PCDHA11: variants seen among roughly 807,000 people sequenced by gnomAD.
The protein encoded by PCDHA11 is protocadherin alpha 11.
In PCDHA11, 61 loss-of-function variants were observed where a neutral mutation model predicts 70.3. The observed-to-expected ratio is 0.87, with a 90% CI of 0.71 to 1.07. The LOEUF (loss-of-function observed/expected upper bound fraction) is 1.07, where lower values mean the gene tolerates loss of function less well. Among genes scored for constraint, PCDHA11 ranks in the 50% least tolerant of loss-of-function variants. The pLI is 0.00. For missense variants in PCDHA11, 1,324 were observed against 1,237.5 expected (o/e 1.07, Z -1.05); for synonymous variants, 633 against 555.1 (o/e 1.14, Z -1.97).
chr5:140,967,218 C>T, intron 1 of PCDHA11: 3 of 1,613,744 alleles, frequency 1.9e-6, no homozygotes, highest in South Asian at 1.1e-5. Flanking sequence ...TTCCCGCGGC[C>T]CAACTACCAG....
intron 3 of PCDHA11, among the ~76,000 whole-genome samples, chr5:141,002,467 G>A (rs1266754067): frequency 6.6e-6 from 1 of 152,202 alleles, no homozygotes; most frequent in African/African-American, 2.4e-5. Context: ...TAACGCTTTA[G>A]CATTTTCAAA....
intron 1 of PCDHA11, chr5:140,882,520 G>C (rs2059167404): frequency 6.2e-7 from 1 of 1,614,218 alleles, no homozygotes; most frequent in Admixed American, 1.7e-5. Context: ...ATGGCATTTT[G>C]TTTGTGAATT....
chr5:140,869,906 A>G lies in PCDHA11; in HGVS notation c.803A>G (p.Asp268Gly). 6.2e-7 allele frequency: 1 copy of G among 1,610,936 alleles called. No homozygotes were observed. The highest frequency in any genetic ancestry group is 8.5e-7 in the Non-Finnish European group (1 of 1,178,340). Residue 268 changes from aspartate to glycine, a missense_variant, in exon 1 of 4, where the codon GAC becomes GGC. Physicochemically the swap from Asp to Gly is moderately conservative, Grantham distance 94. Transcript: ENST00000398640. ...CTTGTGCTCAAACTAAACGCCACAG[A>G]CCGAGACGAAGGAGTCAATGGAGAG... ...ETLVLKLNAT[D>G]RDEGVNGEVT...
intron 1 of PCDHA11, chr5:140,969,185 A>G (rs782632936): frequency 1.9e-6 from 3 of 1,613,974 alleles, no homozygotes; most frequent in South Asian, 1.1e-5. Context: ...TGACACTTTC[A>G]TGTTTTACAA....
At chr5:140,997,504 C>T (rs2097772452) in intron 3 of PCDHA11, among the ~76,000 whole-genome samples, 1 of 152,042 alleles carries the variant, frequency 6.6e-6, no homozygotes, top group South Asian at 2.1e-4. Flanking sequence ...TCTCAACATA[C>T]CTAAACGCAG....
At chr5:140,941,255 C>CTCTT (rs1554214207) in intron 1 of PCDHA11, among the ~76,000 whole-genome samples, 2 of 44,508 alleles carry the variant, frequency 4.5e-5, no homozygotes, top group African/African-American at 1.4e-4. Context: ...TTCTTTCTTT[C>CTCTT]TCTTTCTTTC....
intron 1 of PCDHA11, among the ~76,000 whole-genome samples, chr5:140,977,307 G>A (rs1023836424): frequency 6.6e-6 from 1 of 152,304 alleles, no homozygotes; most frequent in Non-Finnish European, 1.5e-5. Context: ...ACAAGCTAAC[G>A]ATAGTGCTCC....
At chr5:140,988,805 C>T (rs782160959) in intron 3 of PCDHA11, 8 of 152,232 alleles carry the variant, frequency 5.3e-5, no homozygotes, top group African/African-American at 1.4e-4. Context: ...GAATTTCTTC[C>T]GTAACAGTAG....
At chr5:140,882,606 C>A (rs782588313) in intron 1 of PCDHA11, 1 of 1,614,120 alleles carries the variant, frequency 6.2e-7, no homozygotes, top group African/African-American at 1.3e-5. Context: ...GTGGACAGGC[C>A]TCTGCAGGTT....
chr5:140,982,254 T>C (rs1275431812), intron 2 of PCDHA11: 9 of 774,802 alleles, frequency 1.2e-5, no homozygotes, highest in Non-Finnish European at 1.5e-5. Flanking sequence ...AGATAGAACA[T>C]GTGTGTTCCT....
chr5:140,974,994 A>C (rs901871984), intron 1 of PCDHA11, among the ~76,000 whole-genome samples: 8 of 152,126 alleles, frequency 5.3e-5, no homozygotes, highest in African/African-American at 1.9e-4. Flanking sequence ...AGGTATTCTC[A>C]AGGCTGAAAT....
intron 1 of PCDHA11, chr5:140,969,215 C>G (rs782320507): frequency 6.2e-7 from 1 of 1,614,128 alleles, no homozygotes; most frequent in South Asian, 1.1e-5. Flanking sequence ...CCAGACAGGA[C>G]CAGGGCCTTC....
intron 1 of PCDHA11, among the ~76,000 whole-genome samples, chr5:140,907,040 G>A (rs781947448): frequency 1.4e-4 from 21 of 152,290 alleles, no homozygotes; most frequent in Non-Finnish European, 2.4e-4. Context: ...ATGTCACAGG[G>A]ACAGTAAGCA....
rs782766953 is a variant in PCDHA11 at position 140,875,544 on chromosome 5, G to C, written c.2391+4050G>C. On this transcript the variant is annotated intron_variant, in intron 1 of 3. Coordinates refer to ENST00000398640, the MANE Select transcript of PCDHA11 (RefSeq NM_018902.5). ...TCTCGCTTCTGCTCCTTGCAGCCTG[G>C]GAGGTGGGGAGCGGCCAGCTCCACT... 9.0e-5 allele frequency: 146 copies of C among 1,614,052 alleles called. No homozygotes were observed. The East Asian group carries it at 3.2e-3, about 36-fold the overall frequency.
chr5:140,985,955 G>A (rs1284756138), intron 3 of PCDHA11, among the ~76,000 whole-genome samples: 1 of 151,674 alleles, frequency 6.6e-6, no homozygotes, highest in Non-Finnish European at 1.5e-5. Flanking sequence ...TAGCCAGGAT[G>A]GTCTCAATCT....
chr5:140,950,247 A>G (rs1483854749), intron 1 of PCDHA11, among the ~76,000 whole-genome samples: 1 of 152,004 alleles, frequency 6.6e-6, no homozygotes, highest in East Asian at 1.9e-4. Flanking sequence ...ATTTGTTCCT[A>G]AAGAGCTGAG....
In PCDHA11 at chr5:140,871,238, T is replaced by C. The variant is rs200192228; in HGVS notation, c.2135T>C (p.Leu712Pro). 68 of 1,613,968 alleles carry C rather than the reference T, an allele frequency of 4.2e-5. No homozygotes were observed. The Admixed American group carries it at 6.2e-4, about 15-fold the overall frequency. ...TGCGTGGTGTCCAGCCTCCTGGTACTCACGCTGCTGCTGTATACGGCGCTG... is the reference window on the plus strand; with the variant it reads ...TGCGTGGTGTCCAGCCTCCTGGTACCCACGCTGCTGCTGTATACGGCGCTG... ...AICVVSSLLV[L>P]TLLLYTALWW... Residue 712 changes from leucine (L) to proline (P), a missense_variant, in exon 1 of 4, where the codon CTC (leucine) becomes CCC (proline). Physicochemically the swap from Leu to Pro is moderately conservative, Grantham distance 98. Transcript: ENST00000398640.
In PCDHA11 at chr5:140,870,262, T is replaced by C. The variant is rs2051814541; in HGVS notation, c.1159T>C (p.Ser387Pro). 6.2e-7 allele frequency: 1 copy of C among 1,614,182 alleles called. No homozygotes were observed. The highest frequency in any genetic ancestry group is 8.5e-7 in the Non-Finnish European group (1 of 1,180,030). ...DSGVNGQVTCSLTPHVPFKLV... is the reference protein window; with the variant it reads ...DSGVNGQVTCPLTPHVPFKLV... ...AGGTGTCAACGGACAGGTGACCTGC[T>C]CGCTGACGCCCCACGTTCCCTTCAA... is the stretch of plus-strand genomic sequence containing the variant. Residue 387 changes from serine (S) to proline (P), a missense_variant, in exon 1 of 4, where the codon TCG becomes CCG. Physicochemically the swap from Ser to Pro is moderately conservative, Grantham distance 74. Transcript: ENST00000398640.
chr5:140,874,334 C>A (rs2153310267), intron 1 of PCDHA11, among the ~76,000 whole-genome samples: 1 of 152,166 alleles, frequency 6.6e-6, no homozygotes, highest in South Asian at 2.1e-4. Context: ...CTGTTTTTTT[C>A]TCTTAAAGCT....
Sources: gnomAD v4.1 joint callset for allele counts (sites outside exome capture counted in the v4.1 genomes callset) on GRCh38, gnomAD v4.1.1 for gene constraint, MANE v1.5 for transcripts, NCBI Gene and HGNC (gene_info 2026-07-23, HGNC 2026-07-21) for gene names.